KITLG: variants seen among roughly 807,000 people sequenced by gnomAD.
KITLG encodes the protein c-Kit ligand.
A neutral mutation model predicts 34.1 loss-of-function variants in KITLG; 13 were observed. The observed-to-expected ratio is 0.38, with a 90% CI of 0.25 to 0.61. The LOEUF (loss-of-function observed/expected upper bound fraction) is 0.61. Among genes scored for constraint, KITLG ranks in the 20% least tolerant of loss-of-function variants. The probability of loss-of-function intolerance (pLI) is 0.60; values close to 1 mark genes in which losing one functional copy is unlikely to be tolerated. For synonymous variants in KITLG, 110 were observed against 104.0 expected (o/e 1.06, Z -0.35); for missense variants, 292 against 318.9 (o/e 0.92, Z 0.64).
intron 6 of KITLG, among the ~76,000 whole-genome samples, chr12:88,510,665 G>T (rs1189468309): frequency 6.6e-6 from 1 of 152,050 alleles, no homozygotes; most frequent in African/African-American, 2.4e-5. Flanking sequence ...TTACTGTTAT[G>T]CTATAAACAT....
intron 2 of KITLG, among the ~76,000 whole-genome samples, chr12:88,537,014 G>A (rs1293635059): frequency 6.6e-6 from 1 of 152,044 alleles, no homozygotes. Context: ...ACAGATGCTG[G>A]TGTGGCTGCA....
At chr12:88,565,733 G>C (rs2046971) in intron 1 of KITLG, among the ~76,000 whole-genome samples, 100,179 of 152,122 alleles carry the variant, frequency 0.66, 36,723 homozygotes, top group Middle Eastern at 0.86. Flanking sequence ...TGATGACTGA[G>C]AGTTGTAAGA....
chr12:88,525,129 A>G (rs1214628956), intron 3 of KITLG, among the ~76,000 whole-genome samples: 2 of 152,220 alleles, frequency 1.3e-5, no homozygotes, highest in Non-Finnish European at 2.9e-5. Context: ...GGGCAGTTAC[A>G]TTCTACCAAG....
rs143672093 is a variant in KITLG at position 88,530,887 on chromosome 12, C to A, written c.192+1554G>T. Among the ~76,000 whole-genome samples the A allele has an allele frequency of 7.7e-3, 1,179 of 152,238 alleles. 8 individuals are homozygous for A. Among genetic ancestry groups the A allele is most frequent in the Non-Finnish European group, 0.011 (726 of 68,016 alleles). On this transcript the variant is annotated intron_variant, in intron 3 of 9. Transcript: ENST00000644744. ...TGTAGTCTTTGAAATGCATTTTAAG[C>A]ACAAGCACATAATGATGTGTTTAAA...
At chr12:88,511,338 AG>A (rs1425681104) in intron 6 of KITLG, among the ~76,000 whole-genome samples, 1 of 152,208 alleles carries the variant, frequency 6.6e-6, no homozygotes, top group Non-Finnish European at 1.5e-5. Flanking sequence ...GTAATTCACG[AG>A]ACAGGGCATC....
Position 88,532,479 on chromosome 12 carries a change from T to C in KITLG, c.154A>G (p.Met52Val), listed in dbSNP as rs771453909. 1 of 1,610,608 alleles carries C rather than the reference T, an allele frequency of 6.2e-7. No individual in the cohort carries two copies. Among genetic ancestry groups the C allele is most frequent in the Non-Finnish European group, 8.5e-7 (1 of 1,178,530 alleles). ...CCGGGGACATATTTGAGGGTTATCA[T>C]GTAGTCTTTTGGAAGATTTGCCACC... ...KLVANLPKDY[M>V]ITLKYVPGMD... is the part of the protein sequence containing the mutation. Residue 52 changes from methionine (M) to valine (V), a missense_variant, in exon 3 of 10, where the codon ATG (methionine) becomes GTG (valine). Coordinates refer to ENST00000644744, the MANE Select transcript of KITLG (RefSeq NM_000899.5).
rs534818095 is a variant in KITLG, at chr12:88,541,465, C to T, written c.129+4287G>A. Among the ~76,000 whole-genome samples, 12 of 152,178 alleles carry T rather than the reference C, an allele frequency of 7.9e-5. No individual in the cohort carries two copies. In the South Asian group the frequency reaches 2.1e-3, roughly 26 times the overall value. On this transcript the variant is annotated intron_variant, in intron 2 of 9. Coordinates refer to ENST00000644744, the MANE Select transcript of KITLG (RefSeq NM_000899.5). ...ATTGCCTCAAATGAAGAAACAAAGT[C>T]GTCACAAACAAAGAGAAGAGTAGGG...
intron 3 of KITLG, among the ~76,000 whole-genome samples, chr12:88,528,147 T>A (rs1338689572): frequency 6.6e-6 from 1 of 152,216 alleles, no homozygotes; most frequent in Non-Finnish European, 1.5e-5. Flanking sequence ...AAAATCATTT[T>A]CTTTGCCTTT....
At chr12:88,558,205 T>G (rs906310476) in intron 1 of KITLG, among the ~76,000 whole-genome samples, 4 of 152,106 alleles carry the variant, frequency 2.6e-5, no homozygotes, top group African/African-American at 9.7e-5. Context: ...TTTTCACATC[T>G]GCTACTGAAA....
rs1868664773 is a variant in KITLG, at chr12:88,496,995, A to C, written c.*224T>G. ...TTAAAATAGAGTCCTGCTCCATGCA[A>C]GTTCTTCTTTATAGATGATTAATTC... On this transcript the variant is annotated 3_prime_UTR_variant, in exon 10 of 10. Transcript: ENST00000644744. 3.5e-6 allele frequency: 1 copy of C among 284,500 alleles called. No homozygotes were observed. Among genetic ancestry groups the C allele is most frequent in the African/African-American group, 2.3e-5 (1 of 44,226 alleles). The allele number at this position is 284,500 out of a possible 1,614,324, so 17.6% of individuals were successfully genotyped here. A position where few individuals can be genotyped will look rare whatever the true frequency, so the allele number is the denominator to read the frequency against.
chr12:88,519,966 T>C (rs372155352), intron 3 of KITLG, among the ~76,000 whole-genome samples: 30 of 152,294 alleles, frequency 2.0e-4, no homozygotes, highest in African/African-American at 7.2e-4. Context: ...GACCACTTTA[T>C]ATTCATTTAA....
At chr12:88,501,469 T>C (rs1868853331) in intron 9 of KITLG, among the ~76,000 whole-genome samples, 1 of 152,158 alleles carries the variant, frequency 6.6e-6, no homozygotes, top group East Asian at 1.9e-4. Flanking sequence ...TTTTAGAAGA[T>C]TTTCTCTCCA....
chr12:88,508,600 T>C (rs868356306), intron 6 of KITLG, among the ~76,000 whole-genome samples: 1 of 151,202 alleles, frequency 6.6e-6, no homozygotes, highest in African/African-American at 2.4e-5. Flanking sequence ...GAGGAGACAG[T>C]GAGGGATGAA....
At chr12:88,573,409 A>G (rs957986605) in intron 1 of KITLG, among the ~76,000 whole-genome samples, 1 of 152,190 alleles carries the variant, frequency 6.6e-6, no homozygotes, top group Non-Finnish European at 1.5e-5. Flanking sequence ...GGGCCCTAAG[A>G]GGTTCCTTCA....
intron 3 of KITLG, among the ~76,000 whole-genome samples, chr12:88,529,526 TAGG>T (rs769229659): frequency 1.1e-4 from 16 of 152,330 alleles, no homozygotes; most frequent in Admixed American, 2.6e-4. Flanking sequence ...CTCCCTTTTC[TAGG>T]AGAATTTAGC....
chr12:88,562,742 T>C (rs147452544), intron 1 of KITLG, among the ~76,000 whole-genome samples: 6 of 152,252 alleles, frequency 3.9e-5, no homozygotes, highest in Admixed American at 3.3e-4. Flanking sequence ...TATAAAACCA[T>C]GAGTAGACTA....
intron 4 of KITLG, 48 bp from the exon 5 acceptor site, chr12:88,516,538 A>C (rs1869464907): frequency 8.0e-7 from 1 of 1,250,866 alleles, no homozygotes; most frequent in Admixed American, 1.9e-5. Context: ...TTCAGACTTA[A>C]CTGAGGTGAA....
intron 1 of KITLG, among the ~76,000 whole-genome samples, chr12:88,565,264 G>T (rs1257110996): frequency 6.6e-6 from 1 of 152,190 alleles, no homozygotes; most frequent in East Asian, 1.9e-4. Context: ...AGCATCTTGA[G>T]TGTGGGTGAG....
chr12:88,550,451 T>C (rs1270837024), intron 1 of KITLG, among the ~76,000 whole-genome samples: 1 of 152,172 alleles, frequency 6.6e-6, no homozygotes, highest in Non-Finnish European at 1.5e-5. Flanking sequence ...TTCAATGCTA[T>C]CAGGCAGAGC....
Sources: allele counts gnomAD v4.1 joint callset (sites outside exome capture counted in the v4.1 genomes callset), GRCh38; gene constraint gnomAD v4.1.1; transcripts MANE v1.5; gene names NCBI Gene and HGNC (gene_info 2026-07-23, HGNC 2026-07-21).